Variants in URI1 observed in about 807,000 individuals in gnomAD.
URI1 encodes URI1 prefoldin like chaperone.
URI1 carries 39 observed loss-of-function variants against 60.2 expected under a neutral mutation model. The ratio of observed to expected loss-of-function variants is 0.65; its 90% CI spans 0.50 to 0.85. The LOEUF (loss-of-function observed/expected upper bound fraction) is 0.85, where lower values mean the gene tolerates loss of function less well. URI1 is among the 40% of genes least tolerant of loss of function. The pLI is 0.00. For synonymous variants in URI1, 251 were observed against 236.8 expected, an observed-to-expected ratio of 1.06 and a Z score of -0.55; for missense variants, 691 against 665.9, an observed-to-expected ratio of 1.04 and a Z score of -0.42.
At position 30,000,596 on chromosome 19, in the gene URI1, T is replaced by TA. The variant is rs200775077; in HGVS notation, c.368-4764dup. 7.6e-3 allele frequency among the ~76,000 whole-genome samples: 1,158 copies of TA among 152,124 alleles called. 11 individuals carry two copies. Among genetic ancestry groups the TA allele is most frequent in the Middle Eastern group, 0.027 (8 of 294 alleles). ...CAGAATTTTGGATACATTATTCTGT[T>TA]ACCTCCTGTCTTTAAGTGTTGCTAT... On this transcript the variant is annotated intron_variant, in intron 4 of 10. Coordinates refer to ENST00000392271, the MANE Select transcript of URI1 (RefSeq NM_003796.3).
chr19:29,977,277 T>G (rs1373640363), intron 2 of URI1, among the ~76,000 whole-genome samples: 2 of 152,124 alleles, frequency 1.3e-5, no homozygotes, highest in African/African-American at 4.8e-5. Flanking sequence ...ACTATATCAT[T>G]GTAACAATGC....
intron 2 of URI1, among the ~76,000 whole-genome samples, chr19:29,974,650 G>A (rs751956490): frequency 3.3e-5 from 5 of 151,992 alleles, no homozygotes; most frequent in Non-Finnish European, 5.9e-5. Flanking sequence ...AAGGTGCATT[G>A]CATGATGCTG....
intron 1 of URI1, among the ~76,000 whole-genome samples, chr19:29,947,409 A>T (rs2055116016): frequency 6.6e-6 from 1 of 152,166 alleles, no homozygotes; most frequent in Non-Finnish European, 1.5e-5. Context: ...GAACTTTCTC[A>T]TGGCGTGTTT....
intron 3 of URI1, among the ~76,000 whole-genome samples, chr19:29,985,854 C>T (rs942607116): frequency 3.9e-5 from 6 of 152,222 alleles, no homozygotes; most frequent in Admixed American, 2.6e-4. Flanking sequence ...TCCATTAAAG[C>T]TATTTGTTTA....
At chr19:29,943,559 A>G (rs1021460541) in intron 1 of URI1, among the ~76,000 whole-genome samples, 1 of 152,228 alleles carries the variant, frequency 6.6e-6, no homozygotes, top group African/African-American at 2.4e-5. Context: ...CTTCAACACT[A>G]TAAGCAGTTT....
intron 4 of URI1, among the ~76,000 whole-genome samples, chr19:29,994,450 G>C (rs976138036): frequency 6.6e-6 from 1 of 151,456 alleles, no homozygotes; most frequent in Non-Finnish European, 1.5e-5. Flanking sequence ...CCCATCCCCT[G>C]GTAACCACTA....
Position 30,015,244 on chromosome 19 carries a change from ATACTT to A in URI1, c.*178_*182del, listed in dbSNP as rs1254111903. 3 of 1,416,920 alleles carry A rather than the reference ATACTT, an allele frequency of 2.1e-6. No individual in the cohort carries two copies. The highest frequency in any genetic ancestry group is 2.5e-5 in the East Asian group (1 of 39,820). 87.8% of individuals were successfully genotyped at this position (1,416,920 alleles called of 1,614,324 possible). A position where few individuals can be genotyped will look rare whatever the true frequency, so the allele number is the denominator to read the frequency against. On this transcript the variant is annotated 3_prime_UTR_variant, in exon 11 of 11. Coordinates refer to ENST00000392271, the MANE Select transcript of URI1 (RefSeq NM_003796.3). Reference sequence around the variant, plus strand: ...GAAAAAAATCAAGGTAACTGTCTGAATACTTTAATATCAGCTTGTTTTGTGAATTC... The same window carrying A: ...GAAAAAAATCAAGGTAACTGTCTGAATAATATCAGCTTGTTTTGTGAATTC...
At chr19:29,985,399 A>G (rs929829263) in intron 3 of URI1, 98 bp downstream of exon 3, 4 of 951,184 alleles carry the variant, frequency 4.2e-6, no homozygotes, top group African/African-American at 1.6e-5. Context: ...GACTGTGTCC[A>G]AGGTAACTAT....
chr19:29,945,211 T>G (rs1024889893), intron 1 of URI1, among the ~76,000 whole-genome samples: 6 of 152,190 alleles, frequency 3.9e-5, no homozygotes, highest in Non-Finnish European at 7.3e-5. Context: ...GAGAGAGAAA[T>G]GAGTTCCTTA....
intron 2 of URI1, among the ~76,000 whole-genome samples, chr19:29,976,566 TGA>T: frequency 6.6e-6 from 1 of 152,194 alleles, no homozygotes; most frequent in East Asian, 1.9e-4. Context: ...ACCCACCTGT[TGA>T]GAGGAGGCGT....
At chr19:30,006,338 CTGTACAGTGTCTTAAACAAATGTACT>C (rs1254661439) in intron 6 of URI1, among the ~76,000 whole-genome samples, 1 of 152,104 alleles carries the variant, frequency 6.6e-6, no homozygotes, top group Non-Finnish European at 1.5e-5. Flanking sequence ...CTGTAGAAGA[CTGTACAGTGTCTTAAACAAATGTACT>C]GAGCATTCGT....
intron 2 of URI1, among the ~76,000 whole-genome samples, chr19:29,976,219 T>C (rs1025470925): frequency 2.0e-5 from 3 of 152,230 alleles, no homozygotes; most frequent in African/African-American, 7.2e-5. Flanking sequence ...GTAAAATTAC[T>C]GCAAAACTTA....
At chr19:30,013,675 A>G (rs575838550) in intron 10 of URI1, among the ~76,000 whole-genome samples, 1 of 152,310 alleles carries the variant, frequency 6.6e-6, no homozygotes, top group Admixed American at 6.5e-5. Context: ...TTAACATCAA[A>G]GAAATAGTTC....
intron 4 of URI1, among the ~76,000 whole-genome samples, chr19:29,993,304 G>C (rs1281511558): frequency 6.6e-6 from 1 of 152,136 alleles, no homozygotes; most frequent in East Asian, 1.9e-4. Flanking sequence ...TGGTGACCTA[G>C]AGGCAATGTT....
At chr19:29,943,894 G>T (rs904874792) in intron 1 of URI1, among the ~76,000 whole-genome samples, 11 of 151,738 alleles carry the variant, frequency 7.2e-5, no homozygotes, top group African/African-American at 2.7e-4. Context: ...AGCTGCTTGG[G>T]ATGTCAAGGT....
chr19:29,937,512 G>T (rs1404357001), upstream of URI1: 1 of 151,964 alleles, frequency 6.6e-6, no homozygotes, highest in Non-Finnish European at 1.5e-5. Flanking sequence ...TCCTCTTCAG[G>T]GATTGCTGAT....
At chr19:29,941,980 T>C (rs1040334954), upstream of URI1, among the ~76,000 whole-genome samples, 22 of 149,978 alleles carry the variant, frequency 1.5e-4, no homozygotes, top group African/African-American at 5.1e-4. Context: ...CTATAGAATG[T>C]AAGCTTTTTT....
chr19:29,978,919 C>T (rs928198753), intron 2 of URI1, among the ~76,000 whole-genome samples: 13 of 152,012 alleles, frequency 8.6e-5, no homozygotes, highest in African/African-American at 2.4e-4. Context: ...AACTTTAACC[C>T]GGAGGTATCT....
chr19:29,967,320 C>T (rs2055402983), intron 1 of URI1, among the ~76,000 whole-genome samples: 1 of 152,152 alleles, frequency 6.6e-6, no homozygotes, highest in Non-Finnish European at 1.5e-5. Flanking sequence ...CATCATTGTC[C>T]TTCTAGGTGT....
Sources: allele counts gnomAD v4.1 joint callset (sites outside exome capture counted in the v4.1 genomes callset), GRCh38; gene constraint gnomAD v4.1.1; transcripts MANE v1.5; gene names NCBI Gene and HGNC (gene_info 2026-07-23, HGNC 2026-07-21).